Variants in LARGE1 observed in about 807,000 individuals in gnomAD.
LARGE1 encodes the protein LARGE xylosyl- and glucuronyltransferase 1.
Under a neutral mutation model 87.6 loss-of-function variants are expected in LARGE1, and 43 were observed. The ratio of observed to expected loss-of-function variants is 0.49; its 90% CI spans 0.38 to 0.63. LARGE1 has a LOEUF of 0.63. LARGE1 is among the 30% of genes least tolerant of loss of function. The pLI, the probability that LARGE1 is intolerant of heterozygous loss-of-function variation, is 0.00. For missense variants in LARGE1, 802 were observed against 1,000.2 expected, an observed-to-expected ratio of 0.80 and a Z score of 2.67; for synonymous variants, 434 against 394.6, an observed-to-expected ratio of 1.10 and a Z score of -1.18.
At chr22:33,181,193 G>A (rs894370023) in intron 11 of LARGE1, among the ~76,000 whole-genome samples, 3 of 152,122 alleles carry the variant, frequency 2.0e-5, no homozygotes, top group African/African-American at 7.2e-5. Flanking sequence ...GAATAATGGA[G>A]TTATAAATTT....
the LARGE1 span, among the ~76,000 whole-genome samples, chr22:33,136,156 T>G: frequency 2.4e-4 from 37 of 152,180 alleles, no homozygotes; most frequent in African/African-American, 8.7e-4. Context: ...AAACCAAAAG[T>G]TCATATTCTT....
chr22:33,759,280 C>T (rs1322431144), intron 2 of LARGE1, among the ~76,000 whole-genome samples: 2 of 152,218 alleles, frequency 1.3e-5, no homozygotes, highest in African/African-American at 4.8e-5. Flanking sequence ...CAAAATTCTA[C>T]AACTTTCCTC....
intron 1 of LARGE1, among the ~76,000 whole-genome samples, chr22:33,833,791 G>A (rs547197150): frequency 3.3e-5 from 5 of 152,238 alleles, no homozygotes; most frequent in South Asian, 2.1e-4. Context: ...GGGTTCAAAC[G>A]ATTCTCCTGC....
chr22:33,283,277 C>T lies in LARGE1; in HGVS notation c.1802G>A (p.Arg601His), dbSNP rs771376144. The change falls in exon 13 of 15, where the codon CGC (arginine) becomes CAC (histidine). Residue 601 changes from arginine to histidine, a missense_variant. Arg to His is a conservative substitution (Grantham distance 29). Coordinates refer to ENST00000397394, the MANE Select transcript of LARGE1 (RefSeq NM_133642.5). Reference sequence around the variant, plus strand: ...TGACTTGGGGAAGGACAGCCGGTAGCGCAGTGTCTCGAACGCGGGGACAAT... The same window carrying T: ...TGACTTGGGGAAGGACAGCCGGTAGTGCAGTGTCTCGAACGCGGGGACAAT... ...AMIVPAFETL[R>H]YRLSFPKSKA... The T allele has an allele frequency of 7.4e-6, 12 of 1,614,108 alleles. No individual in the cohort carries two copies. Among genetic ancestry groups the T allele is most frequent in the South Asian group, 1.1e-5 (1 of 91,066 alleles).
chr22:33,837,045 A>T (rs572670316), intron 1 of LARGE1, among the ~76,000 whole-genome samples: 1 of 152,182 alleles, frequency 6.6e-6, no homozygotes, highest in East Asian at 1.9e-4. Context: ...AGCACACGGG[A>T]CCTCCATGTG....
intron 6 of LARGE1, among the ~76,000 whole-genome samples, chr22:33,510,214 T>C (rs1042282743): frequency 6.6e-6 from 1 of 152,230 alleles, no homozygotes; most frequent in African/African-American, 2.4e-5. Flanking sequence ...CATGCAAGTC[T>C]TAATCCCTGC....
chr22:33,749,875 A>G (rs1057410923), intron 2 of LARGE1, among the ~76,000 whole-genome samples: 8 of 152,114 alleles, frequency 5.3e-5, no homozygotes, highest in Admixed American at 1.3e-4. Flanking sequence ...AGTTGTTTCT[A>G]TATCTGCAAG....
At chr22:33,414,029 T>C (rs566133793) in intron 7 of LARGE1, among the ~76,000 whole-genome samples, 3 of 152,364 alleles carry the variant, frequency 2.0e-5, no homozygotes, top group African/African-American at 7.2e-5. Flanking sequence ...TTTGAGACTC[T>C]GATCTCAATT....
At chr22:33,790,290 G>A (rs1201735838) in intron 1 of LARGE1, among the ~76,000 whole-genome samples, 1 of 152,162 alleles carries the variant, frequency 6.6e-6, no homozygotes, top group Admixed American at 6.5e-5. Flanking sequence ...TGTGAACTGT[G>A]AGTCCATTAA....
At chr22:33,354,141 C>A (rs1322592351) in intron 9 of LARGE1, among the ~76,000 whole-genome samples, 2 of 152,120 alleles carry the variant, frequency 1.3e-5, no homozygotes, top group African/African-American at 4.8e-5. Context: ...TAAATCTGAC[C>A]CTTCGGTGGA....
chr22:33,431,755 T>C (rs762140387), intron 7 of LARGE1, among the ~76,000 whole-genome samples: 2 of 152,224 alleles, frequency 1.3e-5, no homozygotes, highest in Non-Finnish European at 2.9e-5. Flanking sequence ...CACAGATCCC[T>C]GAAGACCTCA....
chr22:33,902,814 C>T (rs956758700), intron 1 of LARGE1, among the ~76,000 whole-genome samples: 1 of 152,116 alleles, frequency 6.6e-6, no homozygotes, highest in Non-Finnish European at 1.5e-5. Context: ...AAAATGTGAC[C>T]GTATTTAGTG....
At chr22:33,518,467 C>T (rs28561767) in intron 6 of LARGE1, among the ~76,000 whole-genome samples, 1,710 of 152,302 alleles carry the variant, frequency 0.011, 38 homozygotes, top group African/African-American at 0.04. Context: ...TGCCACCATG[C>T]CTGGCTAATT....
chr22:33,865,389 C>T lies in LARGE1; in HGVS notation c.-83+54606G>A, dbSNP rs1378994228. 3.3e-5 allele frequency among the ~76,000 whole-genome samples: 5 copies of T among 152,256 alleles called. No individual in the cohort carries two copies. In the East Asian group the frequency reaches 5.8e-4, roughly 18 times the overall value. On this transcript the variant is annotated intron_variant, in intron 1 of 14. Transcript: ENST00000397394. Reference sequence around the variant, plus strand: ...AGAACATCCTGGTAGGGAATATTGGCGTCTTTTTCTTTTCAAAGTGACACT... The same window carrying T: ...AGAACATCCTGGTAGGGAATATTGGTGTCTTTTTCTTTTCAAAGTGACACT...
intron 2 of LARGE1, among the ~76,000 whole-genome samples, chr22:33,695,108 C>CTTTT (rs71320988): frequency 7.1e-5 from 10 of 140,104 alleles, no homozygotes; most frequent in African/African-American, 1.9e-4. Flanking sequence ...TTCTTTCTTT[C>CTTTT]TTTTTTTTTT....
intron 9 of LARGE1, among the ~76,000 whole-genome samples, chr22:33,375,743 GT>G (rs1352747621): frequency 2.0e-5 from 3 of 151,914 alleles, no homozygotes; most frequent in Non-Finnish European, 2.9e-5. Context: ...TTTTATTTAT[GT>G]TTATTTTTTA....
the LARGE1 span, among the ~76,000 whole-genome samples, chr22:33,080,912 A>C: frequency 6.6e-6 from 1 of 151,850 alleles, no homozygotes; most frequent in Non-Finnish European, 1.5e-5. Context: ...TCATCCATCC[A>C]TCCATCTATC....
chr22:33,180,265 T>C (rs942223899), intron 11 of LARGE1, among the ~76,000 whole-genome samples: 2 of 152,166 alleles, frequency 1.3e-5, no homozygotes, highest in African/African-American at 4.8e-5. Flanking sequence ...TGGTATAAAT[T>C]TGATAAAGTT....
At chr22:33,275,097 G>C (rs890500094) in intron 14 of LARGE1, among the ~76,000 whole-genome samples, 1 of 152,176 alleles carries the variant, frequency 6.6e-6, no homozygotes, top group Non-Finnish European at 1.5e-5. Flanking sequence ...GAGTGCAAAA[G>C]AGGGTACAAA....
Sources: allele counts gnomAD v4.1 joint callset (sites outside exome capture counted in the v4.1 genomes callset), GRCh38; gene constraint gnomAD v4.1.1; transcripts MANE v1.5; gene names NCBI Gene and HGNC (gene_info 2026-07-23, HGNC 2026-07-21).